Variants in CRPPA observed in about 807,000 individuals in gnomAD.
The protein encoded by CRPPA is D-ribitol-5-phosphate cytidylyltransferase.
Under a neutral mutation model 52.0 loss-of-function variants are expected in CRPPA, and 43 were observed. The ratio of observed to expected loss-of-function variants is 0.83; its 90% confidence interval spans 0.65 to 1.07. The LOEUF is 1.07. Ranked by LOEUF, CRPPA falls within the 50% of genes least tolerant of loss-of-function variation. The pLI is 0.00. For missense variants in CRPPA, 629 were observed against 551.7 expected, an observed-to-expected ratio of 1.14 and a Z score of -1.40; for synonymous variants, 250 against 203.5, an observed-to-expected ratio of 1.23 and a Z score of -1.94.
chr7:16,376,331 T>G lies in CRPPA; in HGVS notation c.535-90A>C, dbSNP rs184744485. 388 of 1,264,976 alleles carry G rather than the reference T, an allele frequency of 3.1e-4. 3 individuals are homozygous for G. In the East Asian group the frequency reaches 7.7e-3, roughly 25 times the overall value. 78.4% of individuals were successfully genotyped at this position (1,264,976 alleles called of 1,614,324 possible). A position where few individuals can be genotyped will look rare whatever the true frequency, so the allele number is the denominator to read the frequency against. ...TCAGTATCTCACTTTTGACAGATCTTATTCATACCTTCAACAAGCTACCTT... is the reference window on the plus strand; with the variant it reads ...TCAGTATCTCACTTTTGACAGATCTGATTCATACCTTCAACAAGCTACCTT... On this transcript the variant is annotated intron_variant, in intron 2 of 9. Coordinates refer to ENST00000407010, the MANE Select transcript of CRPPA (RefSeq NM_001101426.4).
At chr7:16,251,893 GAGAT>G (rs1783462604) in intron 8 of CRPPA, among the ~76,000 whole-genome samples, 1 of 152,094 alleles carries the variant, frequency 6.6e-6, no homozygotes, top group African/African-American at 2.4e-5. Context: ...AGAACTGAAG[GAGAT>G]AGAGACACAG....
intron 9 of CRPPA, among the ~76,000 whole-genome samples, chr7:16,149,708 A>G (rs1480240796): frequency 2.6e-5 from 4 of 152,218 alleles, no homozygotes; most frequent in South Asian, 2.1e-4. Context: ...ACTATTGGCC[A>G]GGAGCGGGGG....
chr7:16,319,209 T>A (rs925449095), intron 3 of CRPPA, among the ~76,000 whole-genome samples: 4 of 152,200 alleles, frequency 2.6e-5, no homozygotes, highest in Non-Finnish European at 5.9e-5. Flanking sequence ...GTTTTCTGTA[T>A]GCTTATGACT....
At chr7:16,233,796 A>AAATG (rs1232153896) in intron 8 of CRPPA, among the ~76,000 whole-genome samples, 1 of 152,178 alleles carries the variant, frequency 6.6e-6, no homozygotes, top group African/African-American at 2.4e-5. Context: ...TTGCAACAAT[A>AAATG]AATGAATGAG....
Position 16,133,988 on chromosome 7 carries a change from G to A in CRPPA, c.1252-42189C>T, listed in dbSNP as rs1782720600. On this transcript the variant is annotated intron_variant, in intron 9 of 9. Coordinates refer to ENST00000407010, the MANE Select transcript of CRPPA (RefSeq NM_001101426.4). ...GCTCTGTTGCCCAGGCTGGAGTGCAGTGGCGCAATCTCGGCTCACTGTAAG... is the reference window on the plus strand; with the variant it reads ...GCTCTGTTGCCCAGGCTGGAGTGCAATGGCGCAATCTCGGCTCACTGTAAG... Among the ~76,000 whole-genome samples the A allele has an allele frequency of 1.6e-5, 2 of 123,410 alleles. 1 individual carries two copies. Among genetic ancestry groups the A allele is most frequent in the Non-Finnish European group, 3.7e-5 (2 of 54,308 alleles). The allele number at this position is 123,410 out of a possible 152,430, so 81.0% of individuals were successfully genotyped here. A position where few individuals can be genotyped will look rare whatever the true frequency, so the allele number is the denominator to read the frequency against.
intron 9 of CRPPA, among the ~76,000 whole-genome samples, chr7:16,148,777 A>G (rs1005908579): frequency 1.3e-5 from 2 of 152,082 alleles, no homozygotes; most frequent in Non-Finnish European, 2.9e-5. Context: ...TGCATTAGCT[A>G]TTATAATTTT....
chr7:16,214,444 G>C (rs187138469), intron 9 of CRPPA, among the ~76,000 whole-genome samples: 1 of 152,016 alleles, frequency 6.6e-6, no homozygotes, highest in African/African-American at 2.4e-5. Context: ...GACTCCTTTA[G>C]ACAACATGAG....
chr7:16,354,112 C>A (rs992803360), intron 3 of CRPPA, among the ~76,000 whole-genome samples: 3 of 151,936 alleles, frequency 2.0e-5, no homozygotes, highest in Non-Finnish European at 4.4e-5. Context: ...TTAAAATGTC[C>A]TACTGAAAAT....
chr7:16,094,383 A>G (rs1781894727), intron 9 of CRPPA, among the ~76,000 whole-genome samples: 1 of 152,184 alleles, frequency 6.6e-6, no homozygotes, highest in African/African-American at 2.4e-5. Flanking sequence ...ATTCATGGAT[A>G]TCAAACTCAT....
chr7:16,092,165 C>T (rs1781850529), intron 9 of CRPPA, among the ~76,000 whole-genome samples: 1 of 152,066 alleles, frequency 6.6e-6, no homozygotes, highest in Non-Finnish European at 1.5e-5. Context: ...TCTGAGTGTT[C>T]TCCAACTTTG....
chr7:16,323,223 G>A (rs1459173116), intron 3 of CRPPA, among the ~76,000 whole-genome samples: 1 of 152,070 alleles, frequency 6.6e-6, no homozygotes, highest in African/African-American at 2.4e-5. Flanking sequence ...AGAATTTAAG[G>A]GGTCCTGGGA....
intron 8 of CRPPA, among the ~76,000 whole-genome samples, chr7:16,221,979 A>C (rs534123191): frequency 6.6e-6 from 1 of 152,004 alleles, no homozygotes; most frequent in Non-Finnish European, 1.5e-5. Flanking sequence ...TCTTGCTGCT[A>C]TAAAGACACA....
At chr7:16,359,378 G>A (rs2222862) in intron 3 of CRPPA, among the ~76,000 whole-genome samples, 59,980 of 152,020 alleles carry the variant, frequency 0.39, 12,044 homozygotes, top group Admixed American at 0.45. Flanking sequence ...AAGTACTGTC[G>A]TCATTGAATT....
intron 9 of CRPPA, among the ~76,000 whole-genome samples, chr7:16,099,010 C>T (rs1167382749): frequency 6.6e-6 from 1 of 152,224 alleles, no homozygotes; most frequent in East Asian, 1.9e-4. Flanking sequence ...CAGTTTTAGT[C>T]TTTTTTATTT....
At chr7:16,399,561 G>T (rs1166970470) in intron 2 of CRPPA, among the ~76,000 whole-genome samples, 1 of 151,956 alleles carries the variant, frequency 6.6e-6, no homozygotes, top group Non-Finnish European at 1.5e-5. Flanking sequence ...TGAATGACAT[G>T]ACACGTTTGT....
intron 9 of CRPPA, among the ~76,000 whole-genome samples, chr7:16,210,913 C>T (rs947944849): frequency 1.1e-4 from 16 of 151,100 alleles, no homozygotes; most frequent in Non-Finnish European, 2.4e-4. Flanking sequence ...CTGTTCAATA[C>T]ATCAGTAGGG....
At chr7:16,173,644 T>C (rs1414317444) in intron 9 of CRPPA, among the ~76,000 whole-genome samples, 3 of 152,108 alleles carry the variant, frequency 2.0e-5, no homozygotes, top group African/African-American at 7.2e-5. Flanking sequence ...CAATATATAT[T>C]TATAGAATAT....
chr7:16,239,573 A>AAAC (rs1562577909), intron 8 of CRPPA, among the ~76,000 whole-genome samples: 4 of 149,870 alleles, frequency 2.7e-5, no homozygotes, highest in African/African-American at 9.7e-5. Context: ...AAAAAAAAAA[A>AAAC]AAAAAAAAAA....
chr7:16,324,842 T>C (rs1400464704), intron 3 of CRPPA, among the ~76,000 whole-genome samples: 1 of 152,192 alleles, frequency 6.6e-6, no homozygotes, highest in Non-Finnish European at 1.5e-5. Context: ...ACTTGGAACA[T>C]CAAATGAGAT....
Sources: allele counts gnomAD v4.1 joint callset (sites outside exome capture counted in the v4.1 genomes callset), GRCh38; gene constraint gnomAD v4.1.1; transcripts MANE v1.5; gene names NCBI Gene and HGNC (gene_info 2026-07-23, HGNC 2026-07-21).